The following RIOX2 variants were observed in gnomAD, a reference collection of about 807,000 sequenced individuals.
The protein encoded by RIOX2 is ribosomal oxygenase 2, also known as 60S ribosomal protein L27a histidine hydroxylase.
In RIOX2, 43 loss-of-function variants were observed where a neutral mutation model predicts 51.2. The ratio of observed to expected loss-of-function variants is 0.84; its 90% CI spans 0.66 to 1.08. The LOEUF (loss-of-function observed/expected upper bound fraction) is 1.08. Ranked by LOEUF, RIOX2 falls within the 50% of genes least tolerant of loss-of-function variation. The pLI is 0.00. For synonymous variants in RIOX2, 226 were observed against 218.5 expected (o/e 1.03, Z -0.30); for missense variants, 566 against 561.7 (o/e 1.01, Z -0.08).
intron 2 of RIOX2, among the ~76,000 whole-genome samples, chr3:97,963,020 T>C (rs963603089): frequency 6.6e-6 from 1 of 152,174 alleles, no homozygotes; most frequent in Non-Finnish European, 1.5e-5. Flanking sequence ...AGCAAACCAA[T>C]GGCCACAGCT....
At position 97,945,279 on chromosome 3, in the gene RIOX2, C is replaced by T. The variant is rs752904802; in HGVS notation, c.1303G>A (p.Ala435Thr). 1.2e-6 allele frequency: 2 copies of T among 1,612,628 alleles called. No individual in the cohort carries two copies. The highest frequency in any genetic ancestry group is 1.1e-5 in the South Asian group (1 of 90,980). ...DALKQIWNSP[A>T]ISVKDLKLTT... Reference sequence around the variant, plus strand: ...AGTTTCAGGTCCTTGACAGAAATAGCTGGACTATTCCAAATTTGCTTCAGT... The same window carrying T: ...AGTTTCAGGTCCTTGACAGAAATAGTTGGACTATTCCAAATTTGCTTCAGT... The change falls in exon 10 of 10, where the codon GCT (alanine) becomes ACT (threonine). Residue 435 changes from alanine to threonine, a missense_variant. Ala to Thr is a moderately conservative substitution (Grantham distance 58). Coordinates refer to ENST00000394198, the MANE Select transcript of RIOX2 (RefSeq NM_153182.4).
intron 4 of RIOX2, among the ~76,000 whole-genome samples, chr3:97,958,139 T>C (rs994961665): frequency 6.6e-6 from 1 of 152,178 alleles, no homozygotes; most frequent in Non-Finnish European, 1.5e-5. Context: ...CCTTAGTTAC[T>C]GGGAGGTAGG....
chr3:97,967,663 G>C, intron 1 of RIOX2, 31 bp from the exon 2 acceptor site: 1 of 1,448,604 alleles, frequency 6.9e-7, no homozygotes, highest in Non-Finnish European at 9.2e-7. Context: ...ACATGGTTAG[G>C]TTTACAAGGA....
At chr3:97,966,639 C>A (rs2107194595) in intron 2 of RIOX2, among the ~76,000 whole-genome samples, 1 of 152,288 alleles carries the variant, frequency 6.6e-6, no homozygotes, top group African/African-American at 2.4e-5. Context: ...CTCAATGTCA[C>A]CCATTCGGGT....
Position 97,945,116 on chromosome 3 carries a change from G to A in RIOX2, c.*68C>T, listed in dbSNP as rs977809674. On this transcript the variant is annotated 3_prime_UTR_variant, in exon 10 of 10. Transcript: ENST00000394198. ...GGAAACTTGAATTCATCCTCTCCTC[G>A]GCTCAGGTCTTTGCTTTTCTTTTAA... 36 of 1,383,304 alleles carry A rather than the reference G, an allele frequency of 2.6e-5. No homozygotes were observed. Among genetic ancestry groups the A allele is most frequent in the Admixed American group, 4.9e-5 (2 of 40,428 alleles). The allele number at this position is 1,383,304 out of a possible 1,614,324, so 85.7% of individuals were successfully genotyped here.
In RIOX2 at chr3:97,959,191, C is replaced by A; in HGVS notation, c.553-12G>T. 1 of 1,611,692 alleles carries A rather than the reference C, an allele frequency of 6.2e-7. No homozygotes were observed. The highest frequency in any genetic ancestry group is 8.5e-7 in the Non-Finnish European group (1 of 1,178,990). On this transcript the variant is annotated splice_polypyrimidine_tract_variant and intron_variant, in intron 3 of 9. Transcript: ENST00000394198. ...TGCAGGATGAAAACCTAGAGACCCACAAGGCCCAGGAGCATCAGAGAGCTT... is the reference window on the plus strand; with the variant it reads ...TGCAGGATGAAAACCTAGAGACCCAAAAGGCCCAGGAGCATCAGAGAGCTT...
At chr3:97,954,866 G>A (rs988502226) in intron 4 of RIOX2, among the ~76,000 whole-genome samples, 2 of 152,222 alleles carry the variant, frequency 1.3e-5, no homozygotes, top group African/African-American at 4.8e-5. Flanking sequence ...GTTAAGAGTA[G>A]GAGCTTGAAT....
chr3:97,965,368 C>A (rs1167728140), intron 2 of RIOX2, among the ~76,000 whole-genome samples: 1 of 152,040 alleles, frequency 6.6e-6, no homozygotes, highest in African/African-American at 2.4e-5. Context: ...AAAAATTAGC[C>A]AGGCATGGTG....
intron 7 of RIOX2, 126 bp downstream of exon 7, chr3:97,949,718 G>C: frequency 1.2e-6 from 1 of 806,796 alleles, no homozygotes; most frequent in East Asian, 2.5e-5. Context: ...ACTAAGGATG[G>C]ATGTGGTCCA....
chr3:97,961,903 C>T (rs1416083031), intron 2 of RIOX2, among the ~76,000 whole-genome samples, 195 bp from the exon 3 acceptor site: 3 of 152,048 alleles, frequency 2.0e-5, no homozygotes, highest in Non-Finnish European at 4.4e-5. Context: ...GCAGAAACAC[C>T]ATGTAACAGA....
At chr3:97,966,302 T>C (rs532526203) in intron 2 of RIOX2, among the ~76,000 whole-genome samples, 1 of 152,324 alleles carries the variant, frequency 6.6e-6, no homozygotes, top group East Asian at 1.9e-4. Context: ...TTTCTCCTCC[T>C]ATGTTGCCAT....
At chr3:97,946,589 T>TAC (rs2040367084) in intron 8 of RIOX2, among the ~76,000 whole-genome samples, 1 of 123,202 alleles carries the variant, frequency 8.1e-6, no homozygotes, top group Non-Finnish European at 1.7e-5. Flanking sequence ...TGAGGATGTA[T>TAC]ATATATATAT....
chr3:97,943,336 G>T lies in RIOX2; in HGVS notation c.*1848C>A. 1 of 1,371,480 alleles carries T rather than the reference G, an allele frequency of 7.3e-7. No homozygotes were observed. Among genetic ancestry groups the T allele is most frequent in the South Asian group, 1.2e-5 (1 of 84,322 alleles). 85.0% of individuals were successfully genotyped at this position (1,371,480 alleles called of 1,614,324 possible). A position where few individuals can be genotyped will look rare whatever the true frequency, so the allele number is the denominator to read the frequency against. On this transcript the variant is annotated 3_prime_UTR_variant, in exon 10 of 10. Transcript: ENST00000394198. ...GTGAGAGAATCAACATCCCTAGAAA[G>T]ATCCCTAGAAAGAGCAAAGAAGGAA...
intron 2 of RIOX2, 88 bp from the exon 3 acceptor site, chr3:97,961,796 T>C (rs1185170703): frequency 7.1e-7 from 1 of 1,408,426 alleles, no homozygotes; most frequent in African/African-American, 1.4e-5. Flanking sequence ...CTTGTTCACT[T>C]AGGAAGTCTT....
rs1007398288 is a variant in RIOX2 at position 97,950,026 on chromosome 3, A to G, written c.889-11T>C. ...TGTGGATTCCACCTGCTAGGAACAC[A>G]GAAGTGAGTCCTGGCCCAGATGCCA... On this transcript the variant is annotated splice_polypyrimidine_tract_variant and intron_variant, in intron 6 of 9. Coordinates refer to ENST00000394198, the MANE Select transcript of RIOX2 (RefSeq NM_153182.4). 1.1e-5 allele frequency: 18 copies of G among 1,612,836 alleles called. No homozygotes were observed. The highest frequency in any genetic ancestry group is 1.4e-5 in the Non-Finnish European group (16 of 1,179,782).
At position 97,947,343 on chromosome 3, in the gene RIOX2, C is replaced by A. The variant is rs1209454461; in HGVS notation, c.1149+18G>T. On this transcript the variant is annotated intron_variant, in intron 8 of 9. Coordinates refer to ENST00000394198, the MANE Select transcript of RIOX2 (RefSeq NM_153182.4). Reference sequence around the variant, plus strand: ...ACACCCTGAGAAGACAGGAAATCTCCTCCTCTTGGATACTCACAGATTGAT... The same window carrying A: ...ACACCCTGAGAAGACAGGAAATCTCATCCTCTTGGATACTCACAGATTGAT... 6.5e-7 allele frequency: 1 copy of A among 1,529,346 alleles called. No individual in the cohort carries two copies. Among genetic ancestry groups the A allele is most frequent in the South Asian group, 1.1e-5 (1 of 88,188 alleles). 94.7% of individuals were successfully genotyped at this position (1,529,346 alleles called of 1,614,324 possible). A position where few individuals can be genotyped will look rare whatever the true frequency, so the allele number is the denominator to read the frequency against.
intron 2 of RIOX2, among the ~76,000 whole-genome samples, chr3:97,965,283 G>A (rs1424960158): frequency 3.3e-5 from 5 of 151,348 alleles, no homozygotes; most frequent in Admixed American, 1.3e-4. Flanking sequence ...AAGCTGAGGC[G>A]GGTGGATCAC....
At chr3:97,970,901 G>C (rs892170907) in intron 1 of RIOX2, among the ~76,000 whole-genome samples, 1 of 152,168 alleles carries the variant, frequency 6.6e-6, no homozygotes, top group African/African-American at 2.4e-5. Context: ...ACATGAAGAC[G>C]TGAGGAAGCT....
rs2040271981 is a variant in RIOX2 at position 97,943,256 on chromosome 3, T to C, written c.*1928A>G. 1.3e-6 allele frequency: 2 copies of C among 1,590,990 alleles called. No individual in the cohort carries two copies. The highest frequency in any genetic ancestry group is 1.3e-5 in the African/African-American group (1 of 74,274). On this transcript the variant is annotated 3_prime_UTR_variant, in exon 10 of 10. Transcript: ENST00000394198. ...AATTATTGTGACAAGACTCATGTAA[T>C]TGTAAATCAGCCCCTGGAGGGAGAA...
Sources: allele counts gnomAD v4.1 joint callset (sites outside exome capture counted in the v4.1 genomes callset), GRCh38; gene constraint gnomAD v4.1.1; transcripts MANE v1.5; gene names NCBI Gene and HGNC (gene_info 2026-07-23, HGNC 2026-07-21).